Variants in DAP observed in about 807,000 individuals in gnomAD.
DAP encodes death associated protein, also known as death-associated protein 1.
A neutral mutation model predicts 13.8 loss-of-function variants in DAP; 8 were observed. That is an observed-to-expected ratio of 0.58 (90% CI 0.34 to 1.05). The LOEUF (loss-of-function observed/expected upper bound fraction) is 1.05, where lower values mean the gene tolerates loss of function less well. Ranked by LOEUF, DAP falls within the 50% of genes least tolerant of loss-of-function variation. The pLI is 0.03. For missense variants in DAP, 106 were observed against 133.2 expected (o/e 0.80, Z 1.01); for synonymous variants, 47 against 47.5 (o/e 0.99, Z 0.04).
chr5:10,692,512 T>C (rs1738331855), intron 2 of DAP, among the ~76,000 whole-genome samples: 1 of 151,984 alleles, frequency 6.6e-6, no homozygotes, highest in Non-Finnish European at 1.5e-5. Flanking sequence ...CCATCCCAAG[T>C]CTAACGCTCT....
chr5:10,685,124 G>A (rs1039031562), intron 2 of DAP, among the ~76,000 whole-genome samples: 2 of 106,692 alleles, frequency 1.9e-5, no homozygotes, highest in South Asian at 7.3e-4. Context: ...TCCCCAAAGA[G>A]TTTACCAAAA....
At position 10,683,512 on chromosome 5, in the gene DAP, G is replaced by C. The variant is rs1738075248; in HGVS notation, c.195+17C>G. ...ATGCAAAAGCCTCAAACCCACCGCAGACACTCCCAGACTTACCCGGGCGAT... is the reference window on the plus strand; with the variant it reads ...ATGCAAAAGCCTCAAACCCACCGCACACACTCCCAGACTTACCCGGGCGAT... On this transcript the variant is annotated intron_variant, in intron 3 of 3. Coordinates refer to ENST00000230895, the MANE Select transcript of DAP (RefSeq NM_004394.3). The C allele has an allele frequency of 1.2e-6, 2 of 1,613,724 alleles. No homozygotes were observed. The highest frequency in any genetic ancestry group is 1.3e-5 in the African/African-American group (1 of 74,906).
chr5:10,761,158 G>C lies in DAP; in HGVS notation c.-90C>G. ...GAGTGAGCTCAGGTGTGAGCGCCGGGGAGCGAGCGGGCGGGAGAACGACGC... is the reference window on the plus strand; with the variant it reads ...GAGTGAGCTCAGGTGTGAGCGCCGGCGAGCGAGCGGGCGGGAGAACGACGC... On this transcript the variant is annotated 5_prime_UTR_variant, in exon 1 of 4. Coordinates refer to ENST00000230895, the MANE Select transcript of DAP (RefSeq NM_004394.3). The C allele has an allele frequency of 4.0e-6, 3 of 742,204 alleles. No homozygotes were observed. The highest frequency in any genetic ancestry group is 3.6e-6 in the Non-Finnish European group (2 of 559,200). 46.0% of individuals were successfully genotyped at this position (742,204 alleles called of 1,614,324 possible).
intron 2 of DAP, among the ~76,000 whole-genome samples, chr5:10,718,409 G>A (rs762099797): frequency 1.2e-4 from 19 of 152,218 alleles, no homozygotes; most frequent in Non-Finnish European, 2.2e-4. Flanking sequence ...GACTAATGAG[G>A]TGAGGGCTAT....
intron 2 of DAP, among the ~76,000 whole-genome samples, chr5:10,725,525 C>T (rs899915782): frequency 8.5e-5 from 13 of 152,134 alleles, no homozygotes; most frequent in East Asian, 3.9e-4. Flanking sequence ...CCAACACTGC[C>T]GTGGTGTCTT....
chr5:10,757,737 G>A (rs1436875834), intron 1 of DAP, among the ~76,000 whole-genome samples: 1 of 152,196 alleles, frequency 6.6e-6, no homozygotes, highest in African/African-American at 2.4e-5. Context: ...AACCGGCCAA[G>A]AGGACCACCT....
rs1457159520 is a variant in DAP, at chr5:10,711,874, C to T, written c.153-28303G>A. On this transcript the variant is annotated intron_variant, in intron 2 of 3. Transcript: ENST00000230895. ...GGTACAAAGTAATATACTACATAAT[C>T]CTTCCTCAAACGCAGGACCAGGCAG... Among the ~76,000 whole-genome samples, 3 of 152,202 alleles carry T rather than the reference C, an allele frequency of 2.0e-5. No individual in the cohort carries two copies. In the East Asian group the frequency reaches 5.8e-4, roughly 29 times the overall value.
At chr5:10,751,103 C>A (rs1740035408) in intron 1 of DAP, among the ~76,000 whole-genome samples, 1 of 152,234 alleles carries the variant, frequency 6.6e-6, no homozygotes, top group African/African-American at 2.4e-5. Flanking sequence ...CCCTCTTCCA[C>A]CTTTCCCCAG....
chr5:10,697,558 T>C (rs562288807), intron 2 of DAP, among the ~76,000 whole-genome samples: 2 of 152,292 alleles, frequency 1.3e-5, no homozygotes, highest in African/African-American at 4.8e-5. Context: ...TGAAATGCAA[T>C]CTTCAGGCTC....
chr5:10,679,839 GAC>G lies in DAP; in HGVS notation c.*1215_*1216del, dbSNP rs1737936016. On this transcript the variant is annotated 3_prime_UTR_variant, in exon 4 of 4. Transcript: ENST00000230895. ...AGGCTGGTGGTTGGCAGCTGCTCAC[GAC>G]ACAGTTGCTGACCTGCAGCAGATCG... is the stretch of plus-strand genomic sequence containing the variant. 1 of 152,394 alleles carries G rather than the reference GAC, an allele frequency of 6.6e-6. No individual in the cohort carries two copies. The highest frequency in any genetic ancestry group is 2.4e-5 in the African/African-American group (1 of 41,472). 9.4% of individuals were successfully genotyped at this position (152,394 alleles called of 1,614,324 possible). A position where few individuals can be genotyped will look rare whatever the true frequency, so the allele number is the denominator to read the frequency against.
intron 2 of DAP, among the ~76,000 whole-genome samples, chr5:10,714,573 T>C (rs1738933206): frequency 6.6e-6 from 1 of 151,772 alleles, no homozygotes; most frequent in Non-Finnish European, 1.5e-5. Flanking sequence ...CAGAAAAAAA[T>C]TCAAAAGGAT....
chr5:10,729,370 C>T (rs533486488), intron 2 of DAP, among the ~76,000 whole-genome samples: 6 of 152,308 alleles, frequency 3.9e-5, no homozygotes, highest in Non-Finnish European at 8.8e-5. Context: ...CTTAGCTTCC[C>T]TCCCCTTCAT....
At chr5:10,722,597 T>C (rs966467627) in intron 2 of DAP, among the ~76,000 whole-genome samples, 4 of 144,890 alleles carry the variant, frequency 2.8e-5, no homozygotes, top group Admixed American at 1.4e-4. Flanking sequence ...CATATATACA[T>C]ATATATACAT....
intron 3 of DAP, chr5:10,683,155 C>T (rs1454805192): frequency 3.6e-5 from 11 of 301,446 alleles, no homozygotes; most frequent in Non-Finnish European, 6.3e-6. Flanking sequence ...GTCCCCAACA[C>T]TGGCACTTTC....
intron 2 of DAP, among the ~76,000 whole-genome samples, chr5:10,725,484 C>A (rs1383827693): frequency 6.6e-6 from 1 of 152,218 alleles, no homozygotes; most frequent in Non-Finnish European, 1.5e-5. Context: ...CAGGGAGCCT[C>A]TGCAGAAGCC....
chr5:10,757,676 C>A (rs1461823065), intron 1 of DAP, among the ~76,000 whole-genome samples: 1 of 152,178 alleles, frequency 6.6e-6, no homozygotes, highest in Admixed American at 6.5e-5. Context: ...TGTGTCAGCA[C>A]ATTGTGACAC....
At chr5:10,704,301 A>G (rs904990478) in intron 2 of DAP, among the ~76,000 whole-genome samples, 2 of 152,242 alleles carry the variant, frequency 1.3e-5, no homozygotes, top group Admixed American at 6.5e-5. Context: ...AGTAGGATTT[A>G]GGGACCATAA....
intron 2 of DAP, among the ~76,000 whole-genome samples, chr5:10,692,723 G>A (rs1051022733): frequency 6.6e-6 from 1 of 152,138 alleles, no homozygotes; most frequent in Non-Finnish European, 1.5e-5. Flanking sequence ...ACAGGACACC[G>A]ATATTGCAAT....
chr5:10,760,778 G>A (rs11740255), intron 1 of DAP, among the ~76,000 whole-genome samples: 3 of 152,142 alleles, frequency 2.0e-5, no homozygotes. Context: ...GCCGCCCGCG[G>A]TCCTCAGGAA....
Sources: allele counts gnomAD v4.1 joint callset (sites outside exome capture counted in the v4.1 genomes callset), GRCh38; gene constraint gnomAD v4.1.1; transcripts MANE v1.5; gene names NCBI Gene and HGNC (gene_info 2026-07-23, HGNC 2026-07-21).